The following RAB1A variants were observed in gnomAD, a reference collection of about 807,000 sequenced individuals.
RAB1A encodes ras-related protein Rab-1A.
A neutral mutation model predicts 26.0 loss-of-function variants in RAB1A; 2 were observed. That is an observed-to-expected ratio of 0.08 (90% confidence interval 0.03 to 0.24). The LOEUF is 0.24. RAB1A is among the 10% of genes least tolerant of loss of function. The pLI, the probability that RAB1A is intolerant of heterozygous loss-of-function variation, is 1.00. For missense variants in RAB1A, 100 were observed against 247.0 expected, an observed-to-expected ratio of 0.40 and a Z score of 3.99; for synonymous variants, 84 against 84.9, an observed-to-expected ratio of 0.99 and a Z score of 0.06.
chr2:65,088,758 C>T (rs920227748), intron 5 of RAB1A, 68 bp from the exon 6 acceptor site: 2 of 1,397,666 alleles, frequency 1.4e-6, no homozygotes, highest in South Asian at 2.8e-5. Context: ...GCATTTCTAC[C>T]ATCCATAATG....
intron 1 of RAB1A, among the ~76,000 whole-genome samples, chr2:65,110,298 G>A (rs537504956): frequency 2.9e-4 from 44 of 152,138 alleles, no homozygotes; most frequent in Non-Finnish European, 5.1e-4. Flanking sequence ...AAAATTAGAC[G>A]GGTGTGGCGG....
intron 2 of RAB1A, among the ~76,000 whole-genome samples, chr2:65,100,454 T>A (rs1384977973): frequency 7.2e-6 from 1 of 139,450 alleles, no homozygotes; most frequent in Non-Finnish European, 1.5e-5. Flanking sequence ...CTAATAAGTA[T>A]CAGGTACTAT....
At chr2:65,109,510 C>G (rs941431651) in intron 1 of RAB1A, among the ~76,000 whole-genome samples, 4 of 151,758 alleles carry the variant, frequency 2.6e-5, no homozygotes, top group African/African-American at 9.7e-5. Flanking sequence ...TCAAGACCAG[C>G]CTGACCAACA....
At chr2:65,124,436 T>A (rs952180273) in intron 1 of RAB1A, among the ~76,000 whole-genome samples, 11 of 151,730 alleles carry the variant, frequency 7.2e-5, no homozygotes, top group African/African-American at 2.7e-4. Flanking sequence ...AAATTTCAGT[T>A]GTTATCTTCA....
At chr2:65,115,498 C>T (rs1669803635) in intron 1 of RAB1A, among the ~76,000 whole-genome samples, 1 of 152,136 alleles carries the variant, frequency 6.6e-6, no homozygotes, top group South Asian at 2.1e-4. Context: ...TTGCTGGAGA[C>T]AAGAGGTAAG....
intron 2 of RAB1A, among the ~76,000 whole-genome samples, chr2:65,103,033 A>G (rs1303064833): frequency 2.0e-5 from 3 of 151,820 alleles, no homozygotes; most frequent in Non-Finnish European, 2.9e-5. Flanking sequence ...TAACCAACAC[A>G]CTAGCCAGTA....
chr2:65,122,334 C>T (rs549413974), intron 1 of RAB1A, among the ~76,000 whole-genome samples: 2 of 150,162 alleles, frequency 1.3e-5, no homozygotes, highest in African/African-American at 4.9e-5. Flanking sequence ...GATCTCGAGA[C>T]CAGGAATTTG....
chr2:65,113,026 T>TA (rs1669737731), intron 1 of RAB1A, among the ~76,000 whole-genome samples: 1 of 151,912 alleles, frequency 6.6e-6, no homozygotes, highest in Non-Finnish European at 1.5e-5. Context: ...CTGGGCAACA[T>TA]AGAGAGAAGC....
intron 1 of RAB1A, among the ~76,000 whole-genome samples, chr2:65,125,415 A>C (rs1670074312): frequency 6.9e-6 from 1 of 144,240 alleles, no homozygotes; most frequent in Non-Finnish European, 1.5e-5. Context: ...AATGTTAAGT[A>C]TTTCTTTCTT....
At chr2:65,128,091 T>C (rs980541406) in intron 1 of RAB1A, among the ~76,000 whole-genome samples, 3 of 152,156 alleles carry the variant, frequency 2.0e-5, no homozygotes, top group Non-Finnish European at 4.4e-5. Flanking sequence ...ACTAATAGAA[T>C]GCCTTTCATG....
intron 3 of RAB1A, among the ~76,000 whole-genome samples, chr2:65,095,749 C>G (rs998499690): frequency 1.3e-5 from 2 of 152,026 alleles, no homozygotes; most frequent in Non-Finnish European, 2.9e-5. Context: ...TGGTGGCTCA[C>G]GCCTGTAATC....
At chr2:65,109,719 A>C (rs1428525558) in intron 1 of RAB1A, among the ~76,000 whole-genome samples, 2 of 151,940 alleles carry the variant, frequency 1.3e-5, no homozygotes, top group African/African-American at 2.4e-5. Context: ...CAAAAAAAAA[A>C]AAAGAGAAAG....
intron 1 of RAB1A, among the ~76,000 whole-genome samples, chr2:65,128,590 G>C (rs1461534892): frequency 6.6e-6 from 1 of 152,146 alleles, no homozygotes; most frequent in Non-Finnish European, 1.5e-5. Context: ...TCAGCTTCAA[G>C]CCACACTATT....
intron 1 of RAB1A, among the ~76,000 whole-genome samples, chr2:65,118,571 G>A (rs1423308216): frequency 2.0e-5 from 3 of 152,056 alleles, no homozygotes; most frequent in Admixed American, 6.6e-5. Context: ...TCTGCCTCCC[G>A]GGTTCAAGCA....
At chr2:65,115,207 GTTATT>G (rs1454779243) in intron 1 of RAB1A, among the ~76,000 whole-genome samples, 1 of 152,172 alleles carries the variant, frequency 6.6e-6, no homozygotes, top group African/African-American at 2.4e-5. Flanking sequence ...AGACAGAAAT[GTTATT>G]TTATCTTCTT....
intron 1 of RAB1A, among the ~76,000 whole-genome samples, chr2:65,123,103 T>TA (rs1279372885): frequency 2.4e-5 from 3 of 127,180 alleles, no homozygotes; most frequent in African/African-American, 8.7e-5. Context: ...AACACACACA[T>TA]ACACAACACA....
intron 2 of RAB1A, among the ~76,000 whole-genome samples, chr2:65,101,992 G>T (rs933937027): frequency 6.6e-6 from 1 of 151,784 alleles, no homozygotes; most frequent in African/African-American, 2.4e-5. Context: ...CAGATGATCC[G>T]CCAGCCTCAG....
chr2:65,096,455 A>G (rs1669287571), intron 3 of RAB1A, among the ~76,000 whole-genome samples: 2 of 152,240 alleles, frequency 1.3e-5, no homozygotes, highest in African/African-American at 4.8e-5. Flanking sequence ...GAAAGTAACA[A>G]AATATGAATG....
At chr2:65,097,029 A>G (rs897798644) in intron 3 of RAB1A, among the ~76,000 whole-genome samples, 10 of 150,982 alleles carry the variant, frequency 6.6e-5, no homozygotes, top group African/African-American at 2.5e-4. Context: ...CCCCAGAGAC[A>G]CAAACCCATG....
Sources: allele counts gnomAD v4.1 joint callset (sites outside exome capture counted in the v4.1 genomes callset), GRCh38; gene constraint gnomAD v4.1.1; transcripts MANE v1.5; gene names NCBI Gene and HGNC (gene_info 2026-07-23, HGNC 2026-07-21).